FGD2: variants seen among roughly 807,000 people sequenced by gnomAD.
FGD2 encodes the protein FYVE, RhoGEF and PH domain containing 2.
Under a neutral mutation model 75.9 loss-of-function variants are expected in FGD2, and 52 were observed. The observed-to-expected ratio is 0.69, with a 90% CI of 0.55 to 0.86. The LOEUF is 0.86. Among genes scored for constraint, FGD2 ranks in the 40% least tolerant of loss-of-function variants. FGD2 has a pLI of 0.00. For synonymous variants in FGD2, 347 were observed against 348.6 expected, an observed-to-expected ratio of 1.00 and a Z score of 0.05; for missense variants, 790 against 872.0, an observed-to-expected ratio of 0.91 and a Z score of 1.18.
intron 9 of FGD2, among the ~76,000 whole-genome samples, chr6:37,019,592 TG>T (rs1765463671): frequency 6.6e-6 from 1 of 152,230 alleles, no homozygotes; most frequent in African/African-American, 2.4e-5. Context: ...AGGTTCTCTT[TG>T]CAAATCTCTC....
chr6:37,015,101 C>T lies in FGD2; in HGVS notation c.1029+63C>T, dbSNP rs140834869. 1,439 of 1,562,634 alleles carry T rather than the reference C, an allele frequency of 9.2e-4. 10 individuals are homozygous for T. The African/African-American group carries it at 0.018, about 20-fold the overall frequency. ...GGGAAGTCCATGGGCCACTCTGGCC[C>T]GAGTCATACTGCCTGGCCTCTACCT... is the stretch of plus-strand genomic sequence containing the variant. On this transcript the variant is annotated intron_variant, in intron 8 of 15. Transcript: ENST00000274963.
intron 4 of FGD2, 55 bp from the exon 5 acceptor site, chr6:37,013,554 C>T (rs1765125336): frequency 6.3e-7 from 1 of 1,578,864 alleles, no homozygotes; most frequent in African/African-American, 1.3e-5. Context: ...CTGGCCCTAT[C>T]TAGAGTCGAG....
intron 2 of FGD2, among the ~76,000 whole-genome samples, chr6:37,010,200 G>A (rs1038049852): frequency 1.3e-5 from 2 of 152,094 alleles, no homozygotes; most frequent in African/African-American, 4.8e-5. Context: ...TTCTCACAGT[G>A]CTGGAGGCTG....
intron 3 of FGD2, 52 bp downstream of exon 3, chr6:37,011,102 C>A: frequency 1.3e-6 from 2 of 1,529,774 alleles, no homozygotes; most frequent in Non-Finnish European, 1.8e-6. Flanking sequence ...GTCTCCTCAC[C>A]TCACCCCTTC....
intron 11 of FGD2, among the ~76,000 whole-genome samples, chr6:37,021,151 C>A (rs776774234): frequency 6.8e-6 from 1 of 147,794 alleles, no homozygotes; most frequent in South Asian, 2.2e-4. Flanking sequence ...TTTGTGTGTG[C>A]GTGCGTGTGT....
At chr6:37,007,279 G>A (rs535710061) in intron 1 of FGD2, among the ~76,000 whole-genome samples, 1 of 152,352 alleles carries the variant, frequency 6.6e-6, no homozygotes, top group African/African-American at 2.4e-5. Context: ...GCTTCAGGGT[G>A]GAGATGGCAT....
In FGD2 at chr6:37,022,294, T is replaced by A; in HGVS notation, c.1382T>A (p.Val461Glu). The A allele has an allele frequency of 6.3e-7, 1 of 1,588,698 alleles. No homozygotes were observed. The highest frequency in any genetic ancestry group is 1.1e-5 in the South Asian group (1 of 88,486). The change falls in exon 13 of 16, where the codon GTG becomes GAG. Residue 461 changes from valine to glutamate, a missense_variant. Coordinates refer to ENST00000274963, the MANE Select transcript of FGD2 (RefSeq NM_173558.4). Reference sequence around the variant, plus strand: ...CCGCAGTGGGTCCGGGACAAGATGGTGACCATGTGCATGCGCTGCCAGGAG... The same window carrying A: ...CCGCAGTGGGTCCGGGACAAGATGGAGACCATGTGCATGCGCTGCCAGGAG... ...RAPQWVRDKM[V>E]TMCMRCQEPF...
At position 37,028,298 on chromosome 6, in the gene FGD2, G is replaced by A. The variant is rs997548814; in HGVS notation, c.*135G>A. The A allele has an allele frequency of 1.2e-6, 1 of 834,270 alleles. No homozygotes were observed. The highest frequency in any genetic ancestry group is 1.7e-5 in the African/African-American group (1 of 58,412). 51.7% of individuals were successfully genotyped at this position (834,270 alleles called of 1,614,324 possible). On this transcript the variant is annotated 3_prime_UTR_variant, in exon 16 of 16. Coordinates refer to ENST00000274963, the MANE Select transcript of FGD2 (RefSeq NM_173558.4). ...GAATTGATTCAGCCATCTGCGCCCA[G>A]GCCACGTGTCCCGATCTGGGATTAG...
chr6:37,025,983 G>A (rs747907208), intron 14 of FGD2, 45 bp downstream of exon 14: 6 of 1,605,742 alleles, frequency 3.7e-6, no homozygotes, highest in Admixed American at 3.4e-5. Context: ...CTCTGTTCAG[G>A]GAATGTGTGC....
intron 4 of FGD2, 57 bp from the exon 5 acceptor site, chr6:37,013,552 A>G: frequency 1.3e-6 from 2 of 1,577,672 alleles, no homozygotes; most frequent in Non-Finnish European, 1.7e-6. Flanking sequence ...ACCTGGCCCT[A>G]TCTAGAGTCG....
At chr6:37,013,890 G>A (rs1411201581) in intron 5 of FGD2, 72 bp from the exon 6 acceptor site, 12 of 1,586,376 alleles carry the variant, frequency 7.6e-6, no homozygotes, top group East Asian at 4.5e-5. Flanking sequence ...CTACTCGTCC[G>A]GCCCTCAGGA....
At chr6:37,011,095 T>A in intron 3 of FGD2, 45 bp downstream of exon 3, 1 of 1,577,022 alleles carries the variant, frequency 6.3e-7, no homozygotes, top group African/African-American at 1.3e-5. Flanking sequence ...GCCCTGGGTC[T>A]CCTCACCTCA....
At chr6:37,014,155 A>G in intron 6 of FGD2, 55 bp downstream of exon 6, 2 of 1,557,086 alleles carry the variant, frequency 1.3e-6, no homozygotes, top group Non-Finnish European at 1.7e-6. Flanking sequence ...CCATTCCCAT[A>G]TACTTACTGA....
intron 8 of FGD2, among the ~76,000 whole-genome samples, chr6:37,015,352 A>G (rs760709009): frequency 9.9e-5 from 15 of 152,188 alleles, no homozygotes; most frequent in Non-Finnish European, 1.8e-4. Flanking sequence ...AGGAAGGAGT[A>G]AGGTTAGCTA....
chr6:37,008,938 G>C lies in FGD2; in HGVS notation c.173G>C (p.Gly58Ala), dbSNP rs778842453. Reference protein sequence around the residue: ...SPGPREKTNVGEAVGSEPRTV... With the variant: ...SPGPREKTNVAEAVGSEPRTV... ...GGACCACGGGAGAAGACGAATGTCG[G>C]GGAGGCCGTGGGGTCTGAGCCCAGG... The change falls in exon 2 of 16, where the codon GGG becomes GCG. Residue 58 changes from glycine to alanine, a missense_variant. By Grantham distance (60) the Gly-to-Ala change is moderately conservative. Transcript: ENST00000274963. 11 of 1,614,124 alleles carry C rather than the reference G, an allele frequency of 6.8e-6. No homozygotes were observed. The highest frequency in any genetic ancestry group is 9.3e-6 in the Non-Finnish European group (11 of 1,180,052).
At chr6:37,010,031 A>C (rs1466691834) in intron 2 of FGD2, 1 of 150,382 alleles carries the variant, frequency 6.6e-6, no homozygotes, top group East Asian at 2.0e-4. Flanking sequence ...AAAAAAAAAA[A>C]TGTAGGGGCT....
Position 37,011,032 on chromosome 6 carries a change from CCT to C in FGD2, c.362_363del (p.Leu121ProfsTer58). On this transcript the variant is annotated frameshift_variant, in exon 3 of 16. Transcript: ENST00000274963. LOFTEE classifies it high-confidence loss of function. ...AGACAGAGCAGGCCTATGTGGCGCG[CCT>C]CCACCTGCTAGACCAGGCCAGTGAC... Reference protein sequence around the residue: ...LETEQAYVARLHLLDQVFFQE... With the variant: ...LETEQAYVARXHLLDQVFFQE... 3.7e-6 allele frequency: 6 copies of C among 1,614,184 alleles called. No individual in the cohort carries two copies. The highest frequency in any genetic ancestry group is 5.1e-6 in the Non-Finnish European group (6 of 1,180,028).
In FGD2 at chr6:37,020,738, A is replaced by G. The variant is rs756970544; in HGVS notation, c.1232A>G (p.Gln411Arg). Residue 411 changes from glutamine (Q) to arginine (R), a missense_variant and splice_region_variant, in exon 11 of 16, where the codon CAG (glutamine) becomes CGG (arginine). By Grantham distance (43) the Gln-to-Arg change is conservative. Coordinates refer to ENST00000274963, the MANE Select transcript of FGD2 (RefSeq NM_173558.4). Reference sequence around the variant, plus strand: ...CAGGAGGAAATGATTTCCTGGATGCAGGTATGGGAACGCTCCGAGGCTTCT... The same window carrying G: ...CAGGAGGAAATGATTTCCTGGATGCGGGTATGGGAACGCTCCGAGGCTTCT... ...RSQEEMISWM[Q>R]AFQAAIDQIE... The G allele has an allele frequency of 2.0e-5, 31 of 1,566,900 alleles. No individual in the cohort carries two copies. The highest frequency in any genetic ancestry group is 2.7e-5 in the Non-Finnish European group (31 of 1,154,288).
Position 37,011,547 on chromosome 6 carries a change from C to A in FGD2, c.379-159C>A, listed in dbSNP as rs138402504. The A allele has an allele frequency of 2.6e-4, 262 of 1,003,044 alleles. No homozygotes were observed. The African/African-American group carries it at 3.7e-3, about 14-fold the overall frequency. The allele number at this position is 1,003,044 out of a possible 1,614,324, so 62.1% of individuals were successfully genotyped here. A position where few individuals can be genotyped will look rare whatever the true frequency, so the allele number is the denominator to read the frequency against. ...GCTCATCTGTAAAGTGGCCAGAACA[C>A]AACCTCCCCTGCCTTCTTTTCCCGG... On this transcript the variant is annotated intron_variant, in intron 3 of 15. Transcript: ENST00000274963.
Sources: allele counts gnomAD v4.1 joint callset (sites outside exome capture counted in the v4.1 genomes callset), GRCh38; gene constraint gnomAD v4.1.1; transcripts MANE v1.5; gene names NCBI Gene and HGNC (gene_info 2026-07-23, HGNC 2026-07-21).